Variants in KDM2B observed in about 807,000 individuals in gnomAD.
The protein encoded by KDM2B is lysine demethylase 2B.
Under a neutral mutation model 150.0 loss-of-function variants are expected in KDM2B, and 26 were observed. That is an observed-to-expected ratio of 0.17 (90% CI 0.13 to 0.24). The LOEUF is 0.24. Among genes scored for constraint, KDM2B ranks in the 10% least tolerant of loss-of-function variants. The pLI, the probability that KDM2B is intolerant of heterozygous loss-of-function variation, is 1.00. For missense variants in KDM2B, 1,265 were observed against 1,816.9 expected (o/e 0.70, Z 5.52); for synonymous variants, 734 against 729.5 (o/e 1.01, Z -0.10).
chr12:121,440,313 C>CAAT (rs1874764248), intron 21 of KDM2B: 1 of 549,632 alleles, frequency 1.8e-6, no homozygotes, highest in Non-Finnish European at 3.3e-6. Context: ...GCCCACATTC[C>CAAT]ACCCAGTAGT....
chr12:121,447,858 T>C (rs1876534051), intron 13 of KDM2B, among the ~76,000 whole-genome samples: 1 of 151,920 alleles, frequency 6.6e-6, no homozygotes, highest in Admixed American at 6.6e-5. Context: ...GGTTTCACCA[T>C]GTTGGCCAGG....
intron 17 of KDM2B, 114 bp downstream of exon 17, chr12:121,443,566 T>C: frequency 1.4e-6 from 1 of 717,580 alleles, no homozygotes; most frequent in Non-Finnish European, 2.5e-6. Context: ...GGCCGAGACC[T>C]GGGAAGCCTC....
downstream of KDM2B, among the ~76,000 whole-genome samples, chr12:121,428,365 G>A (rs1296591440): frequency 1.3e-4 from 20 of 152,070 alleles, no homozygotes; most frequent in African/African-American, 4.8e-4. Flanking sequence ...GCTAATTTTT[G>A]TATTTTTAGT....
In KDM2B at chr12:121,474,215, A is replaced by ATTTTTATTT. The variant is rs2139752293; in HGVS notation, c.1734+20363_1734+20364insAAATAAAAA. Among the ~76,000 whole-genome samples, 4 of 152,216 alleles carry ATTTTTATTT rather than the reference A, an allele frequency of 2.6e-5. No individual in the cohort carries two copies. The South Asian group carries it at 8.3e-4, about 32-fold the overall frequency. The stretch of plus-strand genomic sequence containing the variant: ...ATGACAATGAATTGTTCACTTTAAA[A>ATTTTTATTT]TTTTTAGGTTAGGTACGGCCGGGCA... On this transcript the variant is annotated intron_variant, in intron 12 of 22. Coordinates refer to ENST00000377071, the MANE Select transcript of KDM2B (RefSeq NM_032590.5).
At chr12:121,427,138 C>T (rs1872546616), downstream of KDM2B, among the ~76,000 whole-genome samples, 1 of 152,168 alleles carries the variant, frequency 6.6e-6, no homozygotes, top group Admixed American at 6.6e-5. Context: ...AGCAAACATT[C>T]CCTTGGGTTT....
At chr12:121,565,984 T>C (rs1890679391) in intron 4 of KDM2B, among the ~76,000 whole-genome samples, 2 of 150,672 alleles carry the variant, frequency 1.3e-5, no homozygotes, top group South Asian at 2.1e-4. Context: ...TGGACATCCA[T>C]ATGGGAAAAA....
chr12:121,516,415 T>C, intron 9 of KDM2B: 1 of 1,062,500 alleles, frequency 9.4e-7, no homozygotes, highest in Non-Finnish European at 1.3e-6. Context: ...TTTATTTATT[T>C]TTTTTTCCAA....
intron 6 of KDM2B, among the ~76,000 whole-genome samples, chr12:121,540,912 C>G (rs1414443973): frequency 6.6e-6 from 1 of 151,932 alleles, no homozygotes; most frequent in Non-Finnish European, 1.5e-5. Flanking sequence ...GGCAGGACCC[C>G]TACATTGTAG....
rs1555304442 is a variant in KDM2B, at chr12:121,513,732, A to G, written c.1048-330T>C. Reference sequence around the variant, plus strand: ...TGACCTGCCTGCAGAGAGTGTGGGCACCTGCAGGTGGGAGCCGCTGCCTGA... The same window carrying G: ...TGACCTGCCTGCAGAGAGTGTGGGCGCCTGCAGGTGGGAGCCGCTGCCTGA... On this transcript the variant is annotated intron_variant, in intron 9 of 22. Coordinates refer to ENST00000377071, the MANE Select transcript of KDM2B (RefSeq NM_032590.5). This position sits in a 1 kb window ranked among gnomAD's most constrained non-coding sequence, Gnocchi z 5.0. 6.6e-6 allele frequency among the ~76,000 whole-genome samples: 1 copy of G among 151,992 alleles called. No homozygotes were observed. The highest frequency in any genetic ancestry group is 6.6e-5 in the Admixed American group (1 of 15,262).
intron 11 of KDM2B, among the ~76,000 whole-genome samples, chr12:121,502,612 C>G (rs1884671674): frequency 6.6e-6 from 1 of 150,548 alleles, no homozygotes; most frequent in Non-Finnish European, 1.5e-5. Flanking sequence ...CAGAGAGAGA[C>G]TCGGACTCAA....
chr12:121,532,502 A>T (rs1274440715), intron 8 of KDM2B, among the ~76,000 whole-genome samples: 1 of 152,172 alleles, frequency 6.6e-6, no homozygotes, highest in Admixed American at 6.5e-5. Flanking sequence ...CTCAGGGCAA[A>T]CCCACCCCCA....
intron 8 of KDM2B, chr12:121,524,574 C>A: frequency 4.6e-6 from 1 of 216,174 alleles, no homozygotes; most frequent in Non-Finnish European, 1.0e-5. Context: ...GCCGCCACTG[C>A]GTCCCTCCCC....
intron 17 of KDM2B, chr12:121,443,382 GGA>G (rs1343132887): frequency 6.9e-6 from 4 of 578,930 alleles, no homozygotes; most frequent in African/African-American, 1.9e-5. Context: ...GCTAGAGCTG[GGA>G]GAGACTCCTG....
chr12:121,545,701 T>C (rs1297699508), intron 6 of KDM2B, among the ~76,000 whole-genome samples: 2 of 151,954 alleles, frequency 1.3e-5, no homozygotes, highest in African/African-American at 4.8e-5. Flanking sequence ...CGCCATCCAA[T>C]CCCCATAGCA....
chr12:121,442,103 A>C lies in KDM2B; in HGVS notation c.3284+54T>G. 1 of 1,469,024 alleles carries C rather than the reference A, an allele frequency of 6.8e-7. No homozygotes were observed. The highest frequency in any genetic ancestry group is 9.5e-7 in the Non-Finnish European group (1 of 1,051,050). 91.0% of individuals were successfully genotyped at this position (1,469,024 alleles called of 1,614,324 possible). Reference sequence around the variant, plus strand: ...CCAGCGACTCCACACACCACGGGCCATCCCTGGTGCCGCCTGAGCCTTAAC... The same window carrying C: ...CCAGCGACTCCACACACCACGGGCCCTCCCTGGTGCCGCCTGAGCCTTAAC... On this transcript the variant is annotated intron_variant, in intron 19 of 22. Transcript: ENST00000377071. This position sits in a 1 kb window ranked among gnomAD's most constrained non-coding sequence, Gnocchi z 7.7.
At chr12:121,541,174 G>C (rs530666720) in intron 6 of KDM2B, among the ~76,000 whole-genome samples, 1 of 151,984 alleles carries the variant, frequency 6.6e-6, no homozygotes, top group South Asian at 2.1e-4. Context: ...GGAGGTTGGG[G>C]TGAGCAGAGC....
At chr12:121,548,768 G>A (rs1594103190) in intron 6 of KDM2B, 109 bp downstream of exon 6, 2 of 795,826 alleles carry the variant, frequency 2.5e-6, no homozygotes, top group East Asian at 4.9e-5. Context: ...GGGAGCGGTT[G>A]TGACGCTCAA....
intron 12 of KDM2B, among the ~76,000 whole-genome samples, chr12:121,472,871 T>C (rs1880917586): frequency 6.6e-6 from 1 of 152,176 alleles, no homozygotes; most frequent in Admixed American, 6.6e-5. Flanking sequence ...AGAAGCTAAA[T>C]ATATGTAAAA....
At chr12:121,511,555 G>C (rs1486850237) in intron 10 of KDM2B, among the ~76,000 whole-genome samples, 7 of 152,160 alleles carry the variant, frequency 4.6e-5, no homozygotes, top group Admixed American at 2.6e-4. Context: ...CAAAGTGCTG[G>C]GATTACAGGC....
Sources: allele counts gnomAD v4.1 joint callset (sites outside exome capture counted in the v4.1 genomes callset), GRCh38; gene constraint gnomAD v4.1.1; non-coding constraint Gnocchi (gnomAD v3.1); transcripts MANE v1.5; gene names NCBI Gene and HGNC (gene_info 2026-07-23, HGNC 2026-07-21).